Variants in JAG1 observed in about 807,000 individuals in gnomAD.
JAG1 encodes jagged canonical Notch ligand 1, also known as protein jagged-1.
A neutral mutation model predicts 148.7 loss-of-function variants in JAG1; 23 were observed. The ratio of observed to expected loss-of-function variants is 0.15; its 90% CI spans 0.11 to 0.22. The LOEUF (loss-of-function observed/expected upper bound fraction) is 0.22. Ranked by LOEUF, JAG1 falls within the 10% of genes least tolerant of loss-of-function variation. JAG1 has a pLI of 1.00. For missense variants in JAG1, 1,054 were observed against 1,611.2 expected, an observed-to-expected ratio of 0.65 and a Z score of 5.92; for synonymous variants, 572 against 598.3, an observed-to-expected ratio of 0.96 and a Z score of 0.64.
At position 10,658,729 on chromosome 20, in the gene JAG1, A is replaced by G; in HGVS notation, c.440-7T>C. 6.2e-7 allele frequency: 1 copy of G among 1,614,140 alleles called. No individual in the cohort carries two copies. Among genetic ancestry groups the G allele is most frequent in the Non-Finnish European group, 8.5e-7 (1 of 1,179,992 alleles). ...TCAATAATACTGTCAGGTTCTAGAG[A>G]CAAAGTGATGAATCATGTTAATATT... On this transcript the variant is annotated splice_region_variant and splice_polypyrimidine_tract_variant and intron_variant, in intron 3 of 25. Transcript: ENST00000254958.
intron 5 of JAG1, among the ~76,000 whole-genome samples, chr20:10,655,016 T>C (rs1211881386): frequency 1.3e-5 from 2 of 152,204 alleles, no homozygotes; most frequent in South Asian, 2.1e-4. Flanking sequence ...CTGCTCCGCA[T>C]TGGACAGCAA....
chr20:10,646,044 GCCA>G lies in JAG1; in HGVS notation c.1923_1925del (p.Gly642del). On this transcript the variant is annotated inframe_deletion, in exon 15 of 26. Coordinates refer to ENST00000254958, the MANE Select transcript of JAG1 (RefSeq NM_000214.3). Reference sequence around the variant, plus strand: ...AGGAGTTGACACCATCGATGCAAGTGCCACCGTTTCTACAAGGGTTGCTCTCAC... The same window carrying G: ...AGGAGTTGACACCATCGATGCAAGTGCCGTTTCTACAAGGGTTGCTCTCAC... 1.9e-6 allele frequency: 3 copies of G among 1,613,896 alleles called. No homozygotes were observed. Among genetic ancestry groups the G allele is most frequent in the Non-Finnish European group, 2.5e-6 (3 of 1,179,832 alleles).
Position 10,648,738 on chromosome 20 carries a change from G to A in JAG1, c.1396-16C>T, listed in dbSNP as rs374325017. ...TAACCAAATCCTAGAAGAGGAGAAG[G>A]GGAGAGAGAGACACATGCTTTTTTT... is the stretch of plus-strand genomic sequence containing the variant. On this transcript the variant is annotated splice_polypyrimidine_tract_variant and intron_variant, in intron 11 of 25. Coordinates refer to ENST00000254958, the MANE Select transcript of JAG1 (RefSeq NM_000214.3). 11 of 1,612,888 alleles carry A rather than the reference G, an allele frequency of 6.8e-6. No individual in the cohort carries two copies. Among genetic ancestry groups the A allele is most frequent in the Non-Finnish European group, 9.3e-6 (11 of 1,178,806 alleles).
At chr20:10,663,244 A>T (rs2122631167) in intron 3 of JAG1, among the ~76,000 whole-genome samples, 1 of 152,326 alleles carries the variant, frequency 6.6e-6, no homozygotes, top group Admixed American at 6.5e-5. Context: ...CTCTGCTGGC[A>T]AAAAGGGAAC....
At chr20:10,640,575 T>A (rs995479660) in intron 25 of JAG1, among the ~76,000 whole-genome samples, 5 of 152,188 alleles carry the variant, frequency 3.3e-5, no homozygotes, top group Admixed American at 1.3e-4. Flanking sequence ...CGTTGCATAG[T>A]GTGTTGGGAA....
At position 10,639,772 on chromosome 20, in the gene JAG1, T is replaced by C; in HGVS notation, c.3383A>G (p.Lys1128Arg). 6.2e-7 allele frequency: 1 copy of C among 1,614,134 alleles called. No homozygotes were observed. The highest frequency in any genetic ancestry group is 1.1e-5 in the South Asian group (1 of 91,086). Residue 1128 changes from lysine (K) to arginine (R), a missense_variant, in exon 26 of 26, where the codon AAA becomes AGA. By Grantham distance (26) the Lys-to-Arg change is conservative. Around this residue, in one of 6 missense-constraint regions of JAG1, gnomAD observed 177 missense variants for 177.3 expected, o/e 1.00. Transcript: ENST00000254958. The part of the protein sequence containing the change: ...QLNQIKNPIE[K>R]HGANTVPIKD... ...GATGGGGACCGTGTTGGCCCCATGT[T>C]TCTCAATGGGGTTTTTGATCTGGTT...
rs202063628 is a variant in JAG1, at chr20:10,644,878, G to A, written c.2329C>T (p.Pro777Ser). 2.4e-4 allele frequency: 393 copies of A among 1,613,022 alleles called. 2 individuals are homozygous for A. Among genetic ancestry groups the A allele is most frequent in the Admixed American group, 7.5e-4 (45 of 60,022 alleles). Reference sequence around the variant, plus strand: ...GGACACTCACTCTGAGCACAGATGGGCCCCTCCCAGCCTTCCTTGCAGACG... The same window carrying A: ...GGACACTCACTCTGAGCACAGATGGACCCCTCCCAGCCTTCCTTGCAGACG... ...TCVCKEGWEG[P>S]ICAQNTNDCS... Residue 777 changes from proline (P) to serine (S), a missense_variant, in exon 18 of 26, where the codon CCC (proline) becomes TCC (serine). Transcript: ENST00000254958.
chr20:10,641,798 C>A lies in JAG1; in HGVS notation c.2667G>T (p.Arg889=). ...DCNTCQCLNG[R]IACSKVWCGP... ...CATGTCCTACCTTTGAGCAGGCGAT[C>A]CGTCCATTCAGGCACTGGCAGGTAT... The change falls in exon 22 of 26, where the codon CGG becomes CGT. Residue 889 remains arginine, a synonymous_variant. Coordinates refer to ENST00000254958, the MANE Select transcript of JAG1 (RefSeq NM_000214.3). 6.2e-7 allele frequency: 1 copy of A among 1,613,874 alleles called. No individual in the cohort carries two copies. The highest frequency in any genetic ancestry group is 8.5e-7 in the Non-Finnish European group (1 of 1,179,722).
At chr20:10,647,384 A>C in intron 13 of JAG1, 1 of 509,828 alleles carries the variant, frequency 2.0e-6, no homozygotes, top group South Asian at 2.1e-5. Flanking sequence ...CATCTACCCA[A>C]TTTGGTAAAC....
intron 2 of JAG1, 109 bp downstream of exon 2, chr20:10,672,592 G>A (rs1002231386): frequency 7.3e-6 from 8 of 1,098,014 alleles, no homozygotes; most frequent in Non-Finnish European, 1.1e-5. Context: ...CCCAGTTAGC[G>A]CCTAGTTTCA....
chr20:10,648,642 G>A lies in JAG1; in HGVS notation c.1476C>T (p.Ala492=). 2 of 1,614,056 alleles carry A rather than the reference G, an allele frequency of 1.2e-6. No homozygotes were observed. The highest frequency in any genetic ancestry group is 1.1e-5 in the South Asian group (1 of 91,080). The change falls in exon 12 of 26, where the codon GCC becomes GCT. Residue 492 remains alanine, a synonymous_variant. Transcript: ENST00000254958. Reference sequence around the variant, plus strand: ...GACCCCCATTCAAACAGGGGTTGCTGGCACATTCATCGATGTCTCTCTCAC... The same window carrying A: ...GACCCCCATTCAAACAGGGGTTGCTAGCACATTCATCGATGTCTCTCTCAC... The part of the protein sequence containing the change: ...DHCERDIDEC[A]SNPCLNGGHC...
At chr20:10,647,180 A>C (rs2067315332) in intron 13 of JAG1, 77 bp from the exon 14 acceptor site, 1 of 1,569,402 alleles carries the variant, frequency 6.4e-7, no homozygotes. Context: ...GCCTGGGCCA[A>C]GCCCACTTTC....
intron 6 of JAG1, 82 bp from the exon 7 acceptor site, chr20:10,652,332 A>T (rs2067352874): frequency 6.2e-7 from 1 of 1,602,200 alleles, no homozygotes. Context: ...GTCGTCTTTT[A>T]AAAAGAAAAA....
chr20:10,661,616 A>T (rs1359695766), intron 3 of JAG1, among the ~76,000 whole-genome samples: 8 of 152,212 alleles, frequency 5.3e-5, no homozygotes, highest in Non-Finnish European at 1.2e-4. Flanking sequence ...TGTGGGCCAC[A>T]TGAAGATCTG....
Position 10,673,109 on chromosome 20 carries a change from C to G in JAG1, c.82-103G>C. Reference sequence around the variant, plus strand: ...ACTCCCCGCCCCGACGAGCCCTCCTCGCCGAGTGAAAATAATTTTGCGAAA... The same window carrying G: ...ACTCCCCGCCCCGACGAGCCCTCCTGGCCGAGTGAAAATAATTTTGCGAAA... On this transcript the variant is annotated intron_variant, in intron 1 of 25. Transcript: ENST00000254958. The surrounding 1 kb of genome is among the most constrained non-coding windows in gnomAD (Gnocchi z 4.7). 1.9e-6 allele frequency: 2 copies of G among 1,072,652 alleles called. No individual in the cohort carries two copies. The highest frequency in any genetic ancestry group is 3.9e-5 in the Admixed American group (2 of 51,812). 66.4% of individuals were successfully genotyped at this position (1,072,652 alleles called of 1,614,324 possible). A position where few individuals can be genotyped will look rare whatever the true frequency, so the allele number is the denominator to read the frequency against.
chr20:10,651,549 T>C (rs2067346509), intron 8 of JAG1, 32 bp downstream of exon 8: 3 of 1,450,068 alleles, frequency 2.1e-6, no homozygotes, highest in Non-Finnish European at 2.9e-6. Context: ...CAAGGATCCT[T>C]AGAATGGACA....
In JAG1 at chr20:10,637,875, C is replaced by G. The variant is rs1341187282; in HGVS notation, c.*1623G>C. 1.3e-5 allele frequency: 2 copies of G among 152,626 alleles called. No homozygotes were observed. The highest frequency in any genetic ancestry group is 2.9e-5 in the Non-Finnish European group (2 of 68,048). The allele number at this position is 152,626 out of a possible 1,614,324, so 9.5% of individuals were successfully genotyped here. Reference sequence around the variant, plus strand: ...TCCTCCATCCCTCTGTCAGGCAGAGCCTATTATACCCCGATTACCAGAACA... The same window carrying G: ...TCCTCCATCCCTCTGTCAGGCAGAGGCTATTATACCCCGATTACCAGAACA... On this transcript the variant is annotated 3_prime_UTR_variant, in exon 26 of 26. Coordinates refer to ENST00000254958, the MANE Select transcript of JAG1 (RefSeq NM_000214.3).
At chr20:10,658,787 C>T (rs1479034750) in intron 3 of JAG1, 65 bp from the exon 4 acceptor site, 1 of 1,582,604 alleles carries the variant, frequency 6.3e-7, no homozygotes, top group African/African-American at 1.3e-5. Context: ...ACCATTTTGG[C>T]TTTTTAAAAT....
chr20:10,645,282 TC>T lies in JAG1; in HGVS notation c.2114-27del, dbSNP rs1373731644. 1 of 1,606,984 alleles carries T rather than the reference TC, an allele frequency of 6.2e-7. No individual in the cohort carries two copies. Among genetic ancestry groups the T allele is most frequent in the African/African-American group, 1.3e-5 (1 of 74,708 alleles). On this transcript the variant is annotated intron_variant, in intron 16 of 25. Coordinates refer to ENST00000254958, the MANE Select transcript of JAG1 (RefSeq NM_000214.3). This position sits in a 1 kb window ranked among gnomAD's most constrained non-coding sequence, Gnocchi z 6.1. ...CTGGAGGAAAATATTTCAGTGTGAG[TC>T]CCAGTGGCCCCCTCCCACAGAAGAC... is the stretch of plus-strand genomic sequence containing the variant.
Sources: allele counts gnomAD v4.1 joint callset (sites outside exome capture counted in the v4.1 genomes callset), GRCh38; gene constraint gnomAD v4.1.1; regional missense constraint gnomAD v4.1.1; non-coding constraint Gnocchi (gnomAD v3.1); transcripts MANE v1.5; gene names NCBI Gene and HGNC (gene_info 2026-07-23, HGNC 2026-07-21).